Variants in ZSWIM5 observed in about 807,000 individuals in gnomAD.
ZSWIM5 encodes zinc finger SWIM-type containing 5.
A neutral mutation model predicts 119.6 loss-of-function variants in ZSWIM5; 55 were observed. That is an observed-to-expected ratio of 0.46 (90% confidence interval 0.37 to 0.58). ZSWIM5 has a LOEUF of 0.58. ZSWIM5 is among the 20% of genes least tolerant of loss of function. The pLI is 0.00. For missense variants in ZSWIM5, 1,193 were observed against 1,512.8 expected (o/e 0.79, Z 3.51); for synonymous variants, 537 against 606.9 (o/e 0.88, Z 1.69).
chr1:45,186,647 C>T (rs994253321), intron 1 of ZSWIM5, among the ~76,000 whole-genome samples: 2 of 151,970 alleles, frequency 1.3e-5, no homozygotes, highest in South Asian at 2.1e-4. Context: ...GCTCTGTCAC[C>T]GAGGCTAGAG....
chr1:45,031,839 C>CA (rs71040536), intron 11 of ZSWIM5, among the ~76,000 whole-genome samples: 39,388 of 98,660 alleles, frequency 0.4, 8,538 homozygotes, highest in Middle Eastern at 0.61. Flanking sequence ...GACTCCATCT[C>CA]AAAAAAAAAA....
chr1:45,035,105 A>G (rs1285889246), intron 10 of ZSWIM5, among the ~76,000 whole-genome samples: 1 of 152,192 alleles, frequency 6.6e-6, no homozygotes, highest in African/African-American at 2.4e-5. Context: ...TTCTAAAAGT[A>G]TAAGAAATAC....
intron 1 of ZSWIM5, among the ~76,000 whole-genome samples, chr1:45,151,333 C>T (rs1002233130): frequency 6.6e-5 from 10 of 151,956 alleles, no homozygotes; most frequent in African/African-American, 2.4e-4. Context: ...ACTGTGGTAA[C>T]TCCAGAACCT....
Position 45,019,071 on chromosome 1 carries a change from C to T in ZSWIM5, c.2941G>A (p.Glu981Lys). ...TCAATGGCAATCTGGTAGGCTGCCTCAAAGGCAATGTGGTCTTTCTCACAG... is the reference window on the plus strand; with the variant it reads ...TCAATGGCAATCTGGTAGGCTGCCTTAAAGGCAATGTGGTCTTTCTCACAG... The part of the protein sequence containing the change: ...TLCEKDHIAF[E>K]AAYQIAIDAA... Residue 981 changes from glutamate to lysine, a missense_variant, in exon 14 of 14, where the codon GAG becomes AAG. Physicochemically the swap from Glu to Lys is moderately conservative, Grantham distance 56 (BLOSUM62 1). Around this residue, in one of 2 missense-constraint regions of ZSWIM5, gnomAD observed 961 missense variants for 1,290.0 expected, o/e 0.74. Coordinates refer to ENST00000359600, the MANE Select transcript of ZSWIM5 (RefSeq NM_020883.2). This position sits in a 1 kb window ranked among gnomAD's most constrained non-coding sequence, Gnocchi z 5.0. The T allele has an allele frequency of 6.2e-7, 1 of 1,614,226 alleles. No individual in the cohort carries two copies. Among genetic ancestry groups the T allele is most frequent in the Non-Finnish European group, 8.5e-7 (1 of 1,180,042 alleles).
chr1:45,197,699 T>A (rs1646134651), intron 1 of ZSWIM5, among the ~76,000 whole-genome samples: 1 of 152,250 alleles, frequency 6.6e-6, no homozygotes, highest in Non-Finnish European at 1.5e-5. Flanking sequence ...AAACTGCACA[T>A]GGATTTCACT....
chr1:45,206,443 A>G lies in ZSWIM5; in HGVS notation c.-93T>C, dbSNP rs1260225716. 10 of 1,230,198 alleles carry G rather than the reference A, an allele frequency of 8.1e-6. No individual in the cohort carries two copies. Among genetic ancestry groups the G allele is most frequent in the Non-Finnish European group, 1.0e-5 (10 of 987,302 alleles). The allele number at this position is 1,230,198 out of a possible 1,614,324, so 76.2% of individuals were successfully genotyped here. A position where few individuals can be genotyped will look rare whatever the true frequency, so the allele number is the denominator to read the frequency against. ...GGCCACGCGCCCCGCGCAAGCGCCC[A>G]GCGGTGGCGCCGAGGGGGGCGGGGC... On this transcript the variant is annotated 5_prime_UTR_variant, in exon 1 of 14. Coordinates refer to ENST00000359600, the MANE Select transcript of ZSWIM5 (RefSeq NM_020883.2).
intron 1 of ZSWIM5, among the ~76,000 whole-genome samples, chr1:45,154,331 T>C (rs1378676429): frequency 6.6e-6 from 1 of 152,006 alleles, no homozygotes; most frequent in Non-Finnish European, 1.5e-5. Context: ...AGGCACCACA[T>C]TACCTGATTT....
intron 8 of ZSWIM5, 55 bp from the exon 9 acceptor site, chr1:45,036,354 CTTTTTTTT>C: frequency 3.1e-6 from 4 of 1,293,734 alleles, no homozygotes; most frequent in South Asian, 3.2e-5. Flanking sequence ...AGTCTTCTTT[CTTTTTTTT>C]TTTTTTTTTT....
intron 1 of ZSWIM5, among the ~76,000 whole-genome samples, chr1:45,121,599 CTTCT>C (rs1209017625): frequency 2.1e-5 from 3 of 145,488 alleles, no homozygotes; most frequent in East Asian, 2.0e-4. Flanking sequence ...TTTTTTTCTT[CTTCT>C]TTTTTTTTTT....
At chr1:45,039,134 C>T (rs72684426) in intron 7 of ZSWIM5, 61 bp from the exon 8 acceptor site, 92,362 of 1,582,924 alleles carry the variant, frequency 0.058, 3,003 homozygotes, top group East Asian at 0.12. Flanking sequence ...TCTGTCCCTG[C>T]CTGGGTCTTC....
At chr1:45,195,733 A>C (rs983999451) in intron 1 of ZSWIM5, among the ~76,000 whole-genome samples, 2 of 152,176 alleles carry the variant, frequency 1.3e-5, no homozygotes, top group African/African-American at 4.8e-5. Context: ...CCATTAATAA[A>C]GATAGGTGAA....
rs1042327655 is a variant in ZSWIM5, at chr1:45,200,154, A to C, written c.595+5602T>G. ...ATTCAATAAACATTTACTGAGCACC[A>C]ACTTAGGACAAACCACATTATACAT... On this transcript the variant is annotated intron_variant, in intron 1 of 13. Transcript: ENST00000359600. Among the ~76,000 whole-genome samples the C allele has an allele frequency of 2.0e-5, 3 of 152,358 alleles. No homozygotes were observed. In the East Asian group the frequency reaches 5.8e-4, roughly 29 times the overall value.
At chr1:45,105,616 AG>A (rs1254028322) in intron 1 of ZSWIM5, among the ~76,000 whole-genome samples, 2 of 141,680 alleles carry the variant, frequency 1.4e-5, no homozygotes, top group African/African-American at 5.4e-5. Context: ...GGAAGTGAGG[AG>A]CGCCTCTGCC....
At chr1:45,100,563 T>C (rs898776303) in intron 1 of ZSWIM5, among the ~76,000 whole-genome samples, 22 of 152,148 alleles carry the variant, frequency 1.4e-4, no homozygotes, top group Admixed American at 1.3e-3. Flanking sequence ...AAAGTTCATA[T>C]GGAACCAAAA....
At chr1:45,021,393 G>A (rs763385100) in intron 11 of ZSWIM5, among the ~76,000 whole-genome samples, 2 of 152,122 alleles carry the variant, frequency 1.3e-5, no homozygotes, top group East Asian at 1.9e-4. Context: ...AAAAAAGAAC[G>A]GCAGTCCCAC....
intron 2 of ZSWIM5, among the ~76,000 whole-genome samples, chr1:45,062,986 C>G (rs1192530778): frequency 6.6e-6 from 1 of 152,114 alleles, no homozygotes; most frequent in African/African-American, 2.4e-5. Flanking sequence ...TCTCTCCTCT[C>G]GAGGAGTTCC....
chr1:45,078,519 C>T (rs1042227963), intron 2 of ZSWIM5, among the ~76,000 whole-genome samples: 1 of 152,180 alleles, frequency 6.6e-6, no homozygotes, highest in African/African-American at 2.4e-5. Flanking sequence ...TAGTTTCTCC[C>T]AAACTAATGG....
At chr1:45,107,734 G>T (rs575490954) in intron 1 of ZSWIM5, among the ~76,000 whole-genome samples, 8 of 151,876 alleles carry the variant, frequency 5.3e-5, no homozygotes, top group Non-Finnish European at 1.0e-4. Flanking sequence ...CTCACATCAT[G>T]GTGGATAACC....
chr1:45,140,746 G>C (rs1290461317), intron 1 of ZSWIM5, among the ~76,000 whole-genome samples: 1 of 152,160 alleles, frequency 6.6e-6, no homozygotes, highest in Non-Finnish European at 1.5e-5. Context: ...GGATAAGATG[G>C]AGTAAGCACA....
Sources: allele counts gnomAD v4.1 joint callset (sites outside exome capture counted in the v4.1 genomes callset), GRCh38; gene constraint gnomAD v4.1.1; regional missense constraint gnomAD v4.1.1; non-coding constraint Gnocchi (gnomAD v3.1); transcripts MANE v1.5; gene names NCBI Gene and HGNC (gene_info 2026-07-23, HGNC 2026-07-21).